Variants in GRIP2 observed in about 807,000 individuals in gnomAD.
GRIP2 encodes the protein glutamate receptor-interacting protein 2.
GRIP2 carries 58 observed loss-of-function variants against 108.3 expected under a neutral mutation model. The ratio of observed to expected loss-of-function variants is 0.54; its 90% CI spans 0.43 to 0.67. The LOEUF (loss-of-function observed/expected upper bound fraction) is 0.67, where lower values mean the gene tolerates loss of function less well. GRIP2 is among the 30% of genes least tolerant of loss of function. The probability of loss-of-function intolerance (pLI) is 0.00; values close to 1 mark genes in which losing one functional copy is unlikely to be tolerated. For missense variants in GRIP2, 1,278 were observed against 1,430.6 expected, an observed-to-expected ratio of 0.89 and a Z score of 1.72; for synonymous variants, 586 against 598.2, an observed-to-expected ratio of 0.98 and a Z score of 0.30.
At chr3:14,597,177 C>T in the GRIP2 span, among the ~76,000 whole-genome samples, 6 of 152,210 alleles carry the variant, frequency 3.9e-5, no homozygotes, top group Non-Finnish European at 5.9e-5. Context: ...TGAGACCTTA[C>T]TGTAAGTAAT....
At chr3:14,501,615 A>G (rs1315639889) in intron 21 of GRIP2, among the ~76,000 whole-genome samples, 1 of 152,260 alleles carries the variant, frequency 6.6e-6, no homozygotes, top group South Asian at 2.1e-4. Flanking sequence ...CAGTACATAC[A>G]TCATGATTTC....
chr3:14,495,101 C>G (rs1574985185), intron 22 of GRIP2, 112 bp from the exon 23 acceptor site: 1 of 1,397,290 alleles, frequency 7.2e-7, no homozygotes, highest in East Asian at 2.3e-5. Flanking sequence ...AGCCACACCC[C>G]CCAGGCTGCA....
the GRIP2 span, among the ~76,000 whole-genome samples, chr3:14,575,854 T>C: frequency 2.0e-4 from 30 of 152,318 alleles, no homozygotes; most frequent in African/African-American, 7.2e-4. Context: ...TTCAGGCCCA[T>C]CCTCTGTGTG....
chr3:14,523,780 G>A (rs1020351299), intron 4 of GRIP2, 82 bp from the exon 5 acceptor site: 1 of 912,448 alleles, frequency 1.1e-6, no homozygotes, highest in Non-Finnish European at 1.8e-6. Flanking sequence ...ATTCCAGGAG[G>A]ACTGGGTGAT....
rs780469395 is a variant in GRIP2 at position 14,525,448 on chromosome 3, T to G, written c.246A>C (p.Gly82=). 9.9e-6 allele frequency: 16 copies of G among 1,611,490 alleles called. No individual in the cohort carries two copies. The highest frequency in any genetic ancestry group is 1.4e-5 in the Non-Finnish European group (16 of 1,179,318). ...AGCCCACTTCTCACCTGGCTGCAAG[T>G]CCCCCAGGTCTCAGGTTGGAGACCC... ...KPRVSNLRPG[G]LAARSDLLNI... Residue 82 remains glycine, a synonymous_variant, in exon 3 of 24, where the codon GGA becomes GGC. Transcript: ENST00000621039.
rs1308563857 is a variant in GRIP2, at chr3:14,520,730, T to C, written c.713-193A>G. 40 of 638,618 alleles carry C rather than the reference T, an allele frequency of 6.3e-5. No individual in the cohort carries two copies. In the East Asian group the frequency reaches 9.0e-4, roughly 14 times the overall value. The allele number at this position is 638,618 out of a possible 1,614,324, so 39.6% of individuals were successfully genotyped here. ...TGTTATATCAATTTGACAGATAAGA[T>C]AGCAGTGGAGGAGGGGCAGGAGCTC... On this transcript the variant is annotated intron_variant, in intron 7 of 23. Coordinates refer to ENST00000621039, the MANE Select transcript of GRIP2 (RefSeq NM_001080423.4).
At chr3:14,548,284 C>G (rs574458573) in intron 1 of GRIP2, among the ~76,000 whole-genome samples, 1 of 152,182 alleles carries the variant, frequency 6.6e-6, no homozygotes, top group African/African-American at 2.4e-5. Context: ...GAGAGGTCAC[C>G]GAATCGGGGC....
At chr3:14,601,394 A>G in the GRIP2 span, among the ~76,000 whole-genome samples, 1 of 152,066 alleles carries the variant, frequency 6.6e-6, no homozygotes, top group African/African-American at 2.4e-5. Flanking sequence ...AGCTCCGTTG[A>G]GTAGAGGCAC....
At chr3:14,535,097 C>G (rs1202908364) in intron 1 of GRIP2, among the ~76,000 whole-genome samples, 15 of 152,064 alleles carry the variant, frequency 9.9e-5, no homozygotes, top group South Asian at 4.2e-4. Flanking sequence ...GGACGGTGAG[C>G]TGTCGGCCAG....
intron 4 of GRIP2, chr3:14,524,136 C>A: frequency 3.6e-6 from 2 of 560,760 alleles, no homozygotes; most frequent in Non-Finnish European, 6.3e-6. Flanking sequence ...CTTCCAAAAC[C>A]CTCCCCGCTA....
rs143398933 is a variant in GRIP2 at position 14,529,937 on chromosome 3, C to T, written c.41-4006G>A. Among the ~76,000 whole-genome samples the T allele has an allele frequency of 1.8e-3, 281 of 152,256 alleles. 1 individual carries two copies. Among genetic ancestry groups the T allele is most frequent in the African/African-American group, 6.3e-3 (263 of 41,526 alleles). On this transcript the variant is annotated intron_variant, in intron 1 of 23. Coordinates refer to ENST00000621039, the MANE Select transcript of GRIP2 (RefSeq NM_001080423.4). ...TGGGTGCTTGCCAAAGTATCATTACCCTGATATCAATGATTATGGGTATTT... is the reference window on the plus strand; with the variant it reads ...TGGGTGCTTGCCAAAGTATCATTACTCTGATATCAATGATTATGGGTATTT...
chr3:14,523,247 T>C, intron 5 of GRIP2, 172 bp from the exon 6 acceptor site: 1 of 608,334 alleles, frequency 1.6e-6, no homozygotes, highest in South Asian at 2.1e-5. Flanking sequence ...TCCCAAGAGA[T>C]GGTGCAAGGG....
In GRIP2 at chr3:14,524,466, A is replaced by G. The variant is rs773968848; in HGVS notation, c.330T>C (p.Asp110=). ...CATTCTTGAGCAGGGTGATGATCTC[A>G]TCGTGGCGGAGCCTGGTCAGGTGGA... ...NGIHLTRLRH[D]EIITLLKNVG... is the part of the protein sequence containing the mutation. Residue 110 remains aspartate, a synonymous_variant, in exon 4 of 24, where the codon GAT becomes GAC. Coordinates refer to ENST00000621039, the MANE Select transcript of GRIP2 (RefSeq NM_001080423.4). The G allele has an allele frequency of 6.4e-7, 1 of 1,573,598 alleles. No homozygotes were observed. The highest frequency in any genetic ancestry group is 8.7e-7 in the Non-Finnish European group (1 of 1,153,430).
chr3:14,540,667 T>C (rs1470329219), upstream of GRIP2, among the ~76,000 whole-genome samples: 1 of 152,056 alleles, frequency 6.6e-6, no homozygotes, highest in African/African-American at 2.4e-5. This position sits in a 1 kb window ranked among gnomAD's most constrained non-coding sequence, Gnocchi z 4.1. Context: ...ATCAGTTTTT[T>C]CATCTGGAGA....
Position 14,503,743 on chromosome 3 carries a change from G to A in GRIP2, c.2574-72C>T, listed in dbSNP as rs534882261. On this transcript the variant is annotated intron_variant, in intron 20 of 23. Coordinates refer to ENST00000621039, the MANE Select transcript of GRIP2 (RefSeq NM_001080423.4). Reference sequence around the variant, plus strand: ...GCGGGCTGGGGCCTGAGGAGTCTTCGGGGCCCCAGGGCCCAGCGTTGGGCT... The same window carrying A: ...GCGGGCTGGGGCCTGAGGAGTCTTCAGGGCCCCAGGGCCCAGCGTTGGGCT... 6.6e-4 allele frequency: 560 copies of A among 845,618 alleles called. 3 individuals are homozygous for A. Among genetic ancestry groups the A allele is most frequent in the African/African-American group, 2.1e-3 (117 of 56,914 alleles). 52.4% of individuals were successfully genotyped at this position (845,618 alleles called of 1,614,324 possible). A position where few individuals can be genotyped will look rare whatever the true frequency, so the allele number is the denominator to read the frequency against.
chr3:14,563,899 G>A, the GRIP2 span, among the ~76,000 whole-genome samples: 1 of 152,194 alleles, frequency 6.6e-6, no homozygotes, highest in Admixed American at 6.5e-5. Context: ...TTCGGAGAAA[G>A]AAAGCGGCTG....
intron 21 of GRIP2, among the ~76,000 whole-genome samples, chr3:14,502,382 TACTC>T (rs1168653088): frequency 6.6e-6 from 1 of 151,978 alleles, no homozygotes; most frequent in African/African-American, 2.4e-5. Flanking sequence ...TAATCCCAGT[TACTC>T]AGGAGGCTGA....
chr3:14,554,426 G>A (rs1337515525), intron 1 of GRIP2, among the ~76,000 whole-genome samples: 1 of 140,988 alleles, frequency 7.1e-6, no homozygotes, highest in Non-Finnish European at 1.5e-5. Context: ...CTGTGGACCT[G>A]AACAGAGGAC....
At position 14,538,834 on chromosome 3, in the gene GRIP2, T is replaced by C. The variant is rs554899141; in HGVS notation, c.40+1435A>G. Among the ~76,000 whole-genome samples, 108 of 152,312 alleles carry C rather than the reference T, an allele frequency of 7.1e-4. 3 individuals carry two copies. In the South Asian group the frequency reaches 0.021, roughly 30 times the overall value. ...GTGGAGGCCAGGCCAGGGAGGAGACTGGGCAAAGGCCCAGGCAGTTGATGC... is the reference window on the plus strand; with the variant it reads ...GTGGAGGCCAGGCCAGGGAGGAGACCGGGCAAAGGCCCAGGCAGTTGATGC... On this transcript the variant is annotated intron_variant, in intron 1 of 23. Coordinates refer to ENST00000621039, the MANE Select transcript of GRIP2 (RefSeq NM_001080423.4).
Sources: gnomAD v4.1 joint callset for allele counts (sites outside exome capture counted in the v4.1 genomes callset) on GRCh38, gnomAD v4.1.1 for gene constraint, Gnocchi (gnomAD v3.1) non-coding constraint, MANE v1.5 for transcripts, NCBI Gene and HGNC (gene_info 2026-07-23, HGNC 2026-07-21) for gene names.